The following PTTG1IP variants were observed in gnomAD, a reference collection of about 807,000 sequenced individuals.
PTTG1IP encodes the protein PTTG1 interacting protein, also known as pituitary tumor-transforming gene 1 protein-interacting protein.
PTTG1IP carries 16 observed loss-of-function variants against 24.4 expected under a neutral mutation model. That is an observed-to-expected ratio of 0.66 (90% CI 0.44 to 1.00). The LOEUF (loss-of-function observed/expected upper bound fraction) is 1.00, where lower values mean the gene tolerates loss of function less well. Ranked by LOEUF, PTTG1IP falls within the 50% of genes least tolerant of loss-of-function variation. The pLI is 0.00. For synonymous variants in PTTG1IP, 89 were observed against 96.8 expected (o/e 0.92, Z 0.47); for missense variants, 241 against 245.8 (o/e 0.98, Z 0.13).
intron 1 of PTTG1IP, among the ~76,000 whole-genome samples, chr21:44,867,685 G>A (rs1264238750): frequency 6.6e-6 from 1 of 152,256 alleles, no homozygotes; most frequent in African/African-American, 2.4e-5. Flanking sequence ...GAAGGCTGTG[G>A]GGGACACCTG....
chr21:44,861,283 C>G lies in PTTG1IP; in HGVS notation c.169-12G>C. Reference sequence around the variant, plus strand: ...TTGCACCAAAGACACTGAAAGAGACCAACATTAAGCAAGCATTAGAAACAA... The same window carrying G: ...TTGCACCAAAGACACTGAAAGAGACGAACATTAAGCAAGCATTAGAAACAA... On this transcript the variant is annotated splice_polypyrimidine_tract_variant and intron_variant, in intron 2 of 5. Coordinates refer to ENST00000330938, the MANE Select transcript of PTTG1IP (RefSeq NM_004339.4). 2 of 1,592,852 alleles carry G rather than the reference C, an allele frequency of 1.3e-6. No individual in the cohort carries two copies. Among genetic ancestry groups the G allele is most frequent in the African/African-American group, 1.3e-5 (1 of 74,156 alleles).
chr21:44,855,552 T>C (rs1437170410), intron 4 of PTTG1IP, among the ~76,000 whole-genome samples: 3 of 152,206 alleles, frequency 2.0e-5, no homozygotes, highest in African/African-American at 7.2e-5. Context: ...GCTTTTTTCA[T>C]ACAAAGAAAA....
intron 1 of PTTG1IP, among the ~76,000 whole-genome samples, chr21:44,872,430 T>G (rs371076708): frequency 6.6e-6 from 1 of 152,136 alleles, no homozygotes; most frequent in Non-Finnish European, 1.5e-5. Flanking sequence ...CTGAGAAAAG[T>G]ATTAGCCCCT....
At chr21:44,864,394 G>A (rs2083518486) in intron 2 of PTTG1IP, among the ~76,000 whole-genome samples, 2 of 146,822 alleles carry the variant, frequency 1.4e-5, no homozygotes, top group Admixed American at 6.6e-5. Context: ...ACACGTTTTT[G>A]TTTTTGTTTT....
At chr21:44,864,314 G>C (rs1196629727) in intron 2 of PTTG1IP, among the ~76,000 whole-genome samples, 1 of 152,268 alleles carries the variant, frequency 6.6e-6, no homozygotes, top group African/African-American at 2.4e-5. Flanking sequence ...GGCAAGGCAA[G>C]CCCAAGAGGT....
chr21:44,853,916 G>C, intron 5 of PTTG1IP, among the ~76,000 whole-genome samples: 1 of 152,220 alleles, frequency 6.6e-6, no homozygotes, highest in East Asian at 1.9e-4. Flanking sequence ...GACACTTCGA[G>C]ACCGGCAGGA....
At position 44,851,053 on chromosome 21, in the gene PTTG1IP, C is replaced by G; in HGVS notation, c.*528G>C. 3.3e-6 allele frequency: 1 copy of G among 301,908 alleles called. No individual in the cohort carries two copies. The highest frequency in any genetic ancestry group is 6.3e-6 in the Non-Finnish European group (1 of 159,810). The allele number at this position is 301,908 out of a possible 1,614,324, so 18.7% of individuals were successfully genotyped here. A position where few individuals can be genotyped will look rare whatever the true frequency, so the allele number is the denominator to read the frequency against. On this transcript the variant is annotated 3_prime_UTR_variant, in exon 6 of 6. Coordinates refer to ENST00000330938, the MANE Select transcript of PTTG1IP (RefSeq NM_004339.4). ...CCTTATCAGACTGTGTACTGGAGCC[C>G]CGTGTCATCAGCAAAAGCCGTGTGA...
intron 1 of PTTG1IP, chr21:44,872,997 G>A (rs968941916): frequency 4.6e-5 from 7 of 152,280 alleles, no homozygotes; most frequent in Admixed American, 4.6e-4. Flanking sequence ...AGGGAGTGGC[G>A]GCGTGAACGC....
intron 3 of PTTG1IP, among the ~76,000 whole-genome samples, chr21:44,856,581 G>A (rs961297031): frequency 6.6e-6 from 1 of 152,198 alleles, no homozygotes; most frequent in East Asian, 1.9e-4. Context: ...TCAGCCACAC[G>A]TTCCTATCTG....
intron 2 of PTTG1IP, chr21:44,861,959 C>T: frequency 4.5e-6 from 3 of 665,920 alleles, no homozygotes; most frequent in Non-Finnish European, 8.3e-6. Flanking sequence ...AAAGATGATG[C>T]AACTACGGCT....
In PTTG1IP at chr21:44,873,647, G is replaced by T; in HGVS notation, c.-31C>A. 1 of 1,373,038 alleles carries T rather than the reference G, an allele frequency of 7.3e-7. No individual in the cohort carries two copies. The highest frequency in any genetic ancestry group is 1.6e-5 in the South Asian group (1 of 63,040). 85.1% of individuals were successfully genotyped at this position (1,373,038 alleles called of 1,614,324 possible). ...GCCGGTCGCTCTATCAGTCAGTGGA[G>T]CGTTACAACTCCGACTCCAGCACAA... is the stretch of plus-strand genomic sequence containing the variant. On this transcript the variant is annotated 5_prime_UTR_variant, in exon 1 of 6. Coordinates refer to ENST00000330938, the MANE Select transcript of PTTG1IP (RefSeq NM_004339.4).
intron 4 of PTTG1IP, 128 bp from the exon 5 acceptor site, chr21:44,855,384 A>T: frequency 1.0e-6 from 1 of 966,202 alleles, no homozygotes; most frequent in Non-Finnish European, 1.6e-6. Context: ...CAGTTCCCAG[A>T]GTGAAACCAG....
rs147565593 is a variant in PTTG1IP at position 44,865,511 on chromosome 21, G to A, written c.116-64C>T. The A allele has an allele frequency of 1.4e-4, 219 of 1,554,688 alleles. No homozygotes were observed. The African/African-American group carries it at 2.4e-3, about 17-fold the overall frequency. Reference sequence around the variant, plus strand: ...ATCAGGCAGTGTAAATATTAGTCCAGCAGGGCAGGGTGGGCACCAGTGAGG... The same window carrying A: ...ATCAGGCAGTGTAAATATTAGTCCAACAGGGCAGGGTGGGCACCAGTGAGG... On this transcript the variant is annotated intron_variant, in intron 1 of 5. Coordinates refer to ENST00000330938, the MANE Select transcript of PTTG1IP (RefSeq NM_004339.4).
rs751792664 is a variant in PTTG1IP at position 44,855,161 on chromosome 21, G to A, written c.496+49C>T. On this transcript the variant is annotated intron_variant, in intron 5 of 5. Transcript: ENST00000330938. ...TGGCACTAACGAGGACCGAGACAGCGTGCCATCGCCTCCCAACCAGACAAA... is the reference window on the plus strand; with the variant it reads ...TGGCACTAACGAGGACCGAGACAGCATGCCATCGCCTCCCAACCAGACAAA... The A allele has an allele frequency of 3.3e-5, 51 of 1,547,828 alleles. 2 individuals carry two copies. Among genetic ancestry groups the A allele is most frequent in the South Asian group, 2.1e-4 (19 of 89,596 alleles).
intron 5 of PTTG1IP, among the ~76,000 whole-genome samples, chr21:44,852,673 A>G (rs1399594761): frequency 1.3e-5 from 2 of 152,188 alleles, no homozygotes; most frequent in African/African-American, 4.8e-5. Flanking sequence ...TTTGGGAGTG[A>G]GGCTCAAAGT....
At chr21:44,863,414 C>T (rs1408559993) in intron 2 of PTTG1IP, among the ~76,000 whole-genome samples, 1 of 152,232 alleles carries the variant, frequency 6.6e-6, no homozygotes, top group Admixed American at 6.5e-5. Flanking sequence ...AAGAGCACAC[C>T]CACACACGCC....
At chr21:44,863,104 C>T (rs1222716817) in intron 2 of PTTG1IP, among the ~76,000 whole-genome samples, 1 of 150,174 alleles carries the variant, frequency 6.7e-6, no homozygotes, top group African/African-American at 2.4e-5. Context: ...ACACACAGCC[C>T]GCCACGGCCT....
At chr21:44,851,684 T>TA in intron 5 of PTTG1IP, 57 bp from the exon 6 acceptor site, 1 of 1,517,692 alleles carries the variant, frequency 6.6e-7, no homozygotes, top group Middle Eastern at 1.8e-4. Flanking sequence ...AACAAAATCT[T>TA]AGAAAGCCAT....
chr21:44,865,706 C>G (rs1314042533), intron 1 of PTTG1IP: 3 of 579,150 alleles, frequency 5.2e-6, no homozygotes, highest in Non-Finnish European at 9.3e-6. Context: ...AAGGGCTCTT[C>G]TGGGAGAGAA....
Sources: allele counts gnomAD v4.1 joint callset (sites outside exome capture counted in the v4.1 genomes callset), GRCh38; gene constraint gnomAD v4.1.1; transcripts MANE v1.5; gene names NCBI Gene and HGNC (gene_info 2026-07-23, HGNC 2026-07-21).